Variants in NRXN3 observed in about 807,000 individuals in gnomAD.
NRXN3 encodes the protein neurexin III.
In NRXN3, 32 loss-of-function variants were observed where a neutral mutation model predicts 137.6. The ratio of observed to expected loss-of-function variants is 0.23; its 90% confidence interval spans 0.18 to 0.31. The LOEUF (loss-of-function observed/expected upper bound fraction) is 0.31. Among genes scored for constraint, NRXN3 ranks in the 10% least tolerant of loss-of-function variants. NRXN3 has a pLI of 1.00. For synonymous variants in NRXN3, 798 were observed against 784.5 expected, an observed-to-expected ratio of 1.02 and a Z score of -0.29; for missense variants, 1,574 against 2,062.5, an observed-to-expected ratio of 0.76 and a Z score of 4.59.
At chr14:78,567,180 C>G (rs545973487) in intron 4 of NRXN3, among the ~76,000 whole-genome samples, 1 of 152,196 alleles carries the variant, frequency 6.6e-6, no homozygotes, top group Non-Finnish European at 1.5e-5. Context: ...TCTCTTGGCT[C>G]TAAAGGAACC....
intron 10 of NRXN3, among the ~76,000 whole-genome samples, chr14:78,902,355 T>C (rs2099199421): frequency 6.6e-6 from 1 of 152,140 alleles, no homozygotes; most frequent in African/African-American, 2.4e-5. Flanking sequence ...ACCACTTATG[T>C]ATTTGTTTTT....
chr14:79,210,174 A>C (rs1268776844), intron 15 of NRXN3, among the ~76,000 whole-genome samples: 1 of 152,186 alleles, frequency 6.6e-6, no homozygotes, highest in Non-Finnish European at 1.5e-5. Context: ...GTCTTAGCAG[A>C]GCTATTAAAG....
At chr14:78,572,868 C>T (rs12432145) in intron 4 of NRXN3, among the ~76,000 whole-genome samples, 4,197 of 152,216 alleles carry the variant, frequency 0.028, 68 homozygotes, top group African/African-American at 0.032. Context: ...AAAATTTCCA[C>T]GGAACATGGC....
At chr14:79,004,553 T>C (rs1477809100) in intron 15 of NRXN3, among the ~76,000 whole-genome samples, 1 of 152,244 alleles carries the variant, frequency 6.6e-6, no homozygotes, top group African/African-American at 2.4e-5. Context: ...CAATAGTGTT[T>C]GTAATTTCTG....
intron 15 of NRXN3, among the ~76,000 whole-genome samples, chr14:79,155,969 A>C (rs2060218973): frequency 6.6e-6 from 1 of 151,716 alleles, no homozygotes. Context: ...ATATAACCTA[A>C]ATTTCTGGGA....
intron 15 of NRXN3, among the ~76,000 whole-genome samples, chr14:79,299,653 A>G (rs1381802270): frequency 6.6e-6 from 1 of 152,114 alleles, no homozygotes; most frequent in Non-Finnish European, 1.5e-5. Context: ...AACTTAGTAA[A>G]GAATCAGGCA....
chr14:78,206,360 G>T (rs1048661575), intron 1 of NRXN3, among the ~76,000 whole-genome samples: 1 of 152,104 alleles, frequency 6.6e-6, no homozygotes, highest in Non-Finnish European at 1.5e-5. Context: ...TGTTTTCTTG[G>T]AATACAGCCA....
At chr14:78,544,499 A>G (rs1255777066) in intron 4 of NRXN3, among the ~76,000 whole-genome samples, 1 of 152,164 alleles carries the variant, frequency 6.6e-6, no homozygotes, top group African/African-American at 2.4e-5. Context: ...TGAACTTTAT[A>G]ATCGGGAAAA....
chr14:79,356,560 A>G (rs1313905419), intron 15 of NRXN3, among the ~76,000 whole-genome samples: 1 of 152,146 alleles, frequency 6.6e-6, no homozygotes, highest in Non-Finnish European at 1.5e-5. Flanking sequence ...GTAAAACACT[A>G]TTAATAGGAA....
At chr14:78,364,120 T>A (rs527968523) in intron 4 of NRXN3, among the ~76,000 whole-genome samples, 2 of 152,336 alleles carry the variant, frequency 1.3e-5, no homozygotes, top group African/African-American at 4.8e-5. Flanking sequence ...TGTATGTACT[T>A]GAGTGGATAA....
At chr14:79,509,314 T>A (rs1343734387) in intron 16 of NRXN3, among the ~76,000 whole-genome samples, 1 of 152,154 alleles carries the variant, frequency 6.6e-6, no homozygotes, top group Non-Finnish European at 1.5e-5. Flanking sequence ...TGAGACCAGC[T>A]TGCCAATATG....
Position 78,722,464 on chromosome 14 carries a change from G to A in NRXN3, c.2044+7325G>A, listed in dbSNP as rs536915876. On this transcript the variant is annotated intron_variant, in intron 8 of 20. Coordinates refer to ENST00000335750, the MANE Select transcript of NRXN3 (RefSeq NM_001330195.2). Reference sequence around the variant, plus strand: ...CAAGTGCTTTGAAACACAACACAAGGGGATTGTTGCAGGCTTTTCTAGCAT... The same window carrying A: ...CAAGTGCTTTGAAACACAACACAAGAGGATTGTTGCAGGCTTTTCTAGCAT... Among the ~76,000 whole-genome samples the A allele has an allele frequency of 1.4e-4, 21 of 152,310 alleles. No individual in the cohort carries two copies. The East Asian group carries it at 3.5e-3, about 25-fold the overall frequency.
intron 15 of NRXN3, among the ~76,000 whole-genome samples, chr14:79,304,027 CA>C (rs1293573803): frequency 9.2e-5 from 14 of 152,116 alleles, no homozygotes. Flanking sequence ...TTACAATTAT[CA>C]TCTCACATAA....
intron 14 of NRXN3, among the ~76,000 whole-genome samples, chr14:78,972,119 A>T (rs1053627340): frequency 6.6e-5 from 10 of 152,178 alleles, no homozygotes; most frequent in African/African-American, 2.4e-4. Flanking sequence ...TTTAAAAAAA[A>T]TCATACCTGA....
At chr14:78,200,727 A>G (rs2061600691) in intron 1 of NRXN3, among the ~76,000 whole-genome samples, 1 of 152,182 alleles carries the variant, frequency 6.6e-6, no homozygotes, top group Non-Finnish European at 1.5e-5. Context: ...TTATGGATTA[A>G]ATCAGATTAA....
chr14:78,335,589 ATAAAG>A (rs2081368291), intron 4 of NRXN3, among the ~76,000 whole-genome samples: 1 of 152,226 alleles, frequency 6.6e-6, no homozygotes, highest in Non-Finnish European at 1.5e-5. Context: ...TATGAGTAAA[ATAAAG>A]TAGACACATT....
At chr14:78,865,565 C>G (rs2099084634) in intron 10 of NRXN3, among the ~76,000 whole-genome samples, 1 of 152,090 alleles carries the variant, frequency 6.6e-6, no homozygotes, top group Admixed American at 6.6e-5. Flanking sequence ...AGGTAACTTT[C>G]TAATTTAAAT....
intron 15 of NRXN3, among the ~76,000 whole-genome samples, chr14:79,442,871 A>G (rs1201099353): frequency 6.6e-6 from 1 of 152,208 alleles, no homozygotes; most frequent in Non-Finnish European, 1.5e-5. Context: ...CCGTGTGATC[A>G]GTGTCTGCCT....
chr14:79,084,877 T>G (rs867410925), intron 15 of NRXN3, among the ~76,000 whole-genome samples: 22 of 152,144 alleles, frequency 1.4e-4, no homozygotes, highest in African/African-American at 5.1e-4. Flanking sequence ...TAGTGGTAAA[T>G]GGGGTTGATA....
Sources: allele counts gnomAD v4.1 joint callset (sites outside exome capture counted in the v4.1 genomes callset), GRCh38; gene constraint gnomAD v4.1.1; transcripts MANE v1.5; gene names NCBI Gene and HGNC (gene_info 2026-07-23, HGNC 2026-07-21).